Variants in VEGFD observed in about 807,000 individuals in gnomAD.
VEGFD encodes the protein c-fos induced growth factor (vascular endothelial growth factor D).
In VEGFD, 26 loss-of-function variants were observed where a neutral mutation model predicts 28.0. The observed-to-expected ratio is 0.93, with a 90% confidence interval of 0.68 to 1.29. The LOEUF (loss-of-function observed/expected upper bound fraction) is 1.29, where lower values mean the gene tolerates loss of function less well. Ranked by LOEUF, VEGFD falls within the 50% of genes most tolerant of loss-of-function variation. The probability of loss-of-function intolerance (pLI) is 0.00; values close to 1 mark genes in which losing one functional copy is unlikely to be tolerated. For missense variants in VEGFD, 294 were observed against 273.4 expected (o/e 1.08, Z -0.53); for synonymous variants, 93 against 95.5 (o/e 0.97, Z 0.15).
chrX:15,379,878 TAAA>T (rs1923526613), intron 1 of VEGFD, among the ~76,000 whole-genome samples: 1 of 112,120 alleles, frequency 8.9e-6, no homozygotes, highest in African/African-American at 3.2e-5. Flanking sequence ...TCCACAGGTC[TAAA>T]ACAGGATTTT....
chrX:15,345,881 A>C lies in VEGFD; in HGVS notation c.*252T>G, dbSNP rs1481735628. 1.2e-5 allele frequency: 4 copies of C among 323,753 alleles called. No homozygotes were observed. Among genetic ancestry groups the C allele is most frequent in the Non-Finnish European group, 2.1e-5 (4 of 187,981 alleles). The allele number at this position is 323,753 out of a possible 1,213,427, so 26.7% of individuals were successfully genotyped here. A position where few individuals can be genotyped will look rare whatever the true frequency, so the allele number is the denominator to read the frequency against. On this transcript the variant is annotated 3_prime_UTR_variant, in exon 7 of 7. Coordinates refer to ENST00000297904, the MANE Select transcript of VEGFD (RefSeq NM_004469.5). ...TCTCATTCACCAAAAAACAAAAACA[A>C]AACTAAACAAAAGGATTACATGGGT...
At chrX:15,356,722 C>A (rs115302511) in intron 3 of VEGFD, among the ~76,000 whole-genome samples, 1,174 of 111,578 alleles carry the variant, frequency 0.011, 13 homozygotes, top group African/African-American at 0.036. Flanking sequence ...TTTTTCTACT[C>A]AGAATTGATG....
At chrX:15,367,456 A>G (rs1469111832) in intron 1 of VEGFD, among the ~76,000 whole-genome samples, 1 of 111,949 alleles carries the variant, frequency 8.9e-6, no homozygotes, top group Non-Finnish European at 1.9e-5. Context: ...ATTAAGTCTT[A>G]TTTGTCAATA....
chrX:15,350,336 ATTC>A (rs757504085), intron 5 of VEGFD, among the ~76,000 whole-genome samples: 2 of 111,463 alleles, frequency 1.8e-5, no homozygotes, highest in South Asian at 7.5e-4. Flanking sequence ...CTTCTTCCCT[ATTC>A]TTCTTACCAC....
At chrX:15,361,454 C>T (rs999487255) in intron 2 of VEGFD, among the ~76,000 whole-genome samples, 1 of 112,124 alleles carries the variant, frequency 8.9e-6, no homozygotes, top group Non-Finnish European at 1.9e-5. Context: ...CACATGAACA[C>T]TAAGAATCCT....
chrX:15,366,973 G>A (rs1223991870), intron 1 of VEGFD, among the ~76,000 whole-genome samples: 1 of 112,169 alleles, frequency 8.9e-6, no homozygotes, highest in Non-Finnish European at 1.9e-5. Context: ...CAAGGTTATC[G>A]CACTTGGGAA....
At position 15,383,872 on chromosome X, in the gene VEGFD, T is replaced by C. The variant is rs1923650424; in HGVS notation, c.75A>G (p.Glu25=). The C allele has an allele frequency of 6.6e-6, 8 of 1,205,976 alleles. No individual in the cohort carries two copies. The highest frequency in any genetic ancestry group is 9.0e-6 in the Non-Finnish European group (8 of 891,334). ...GCTCACCTACCTTCACTGGTCCATG[T>C]TCATTACTGGAGCCCTGCACCAGCT... The part of the protein sequence containing the change: ...YVQLVQGSSN[E]HGPVKRSSQS... Residue 25 remains glutamate (E), a synonymous_variant, in exon 1 of 7, where the codon GAA becomes GAG. Transcript: ENST00000297904.
At chrX:15,369,229 C>T (rs1923249002) in intron 1 of VEGFD, among the ~76,000 whole-genome samples, 1 of 111,311 alleles carries the variant, frequency 9.0e-6, no homozygotes, top group Non-Finnish European at 1.9e-5. Context: ...GCCTTCTGTA[C>T]TCCTACCAAT....
intron 1 of VEGFD, among the ~76,000 whole-genome samples, chrX:15,370,633 A>G (rs967794024): frequency 2.7e-5 from 3 of 111,992 alleles, no homozygotes; most frequent in Non-Finnish European, 5.6e-5. Flanking sequence ...TCTGACAAAT[A>G]GCAATTGGGC....
At chrX:15,383,067 A>G (rs770825946) in intron 1 of VEGFD, among the ~76,000 whole-genome samples, 1 of 111,977 alleles carries the variant, frequency 8.9e-6, no homozygotes, top group Non-Finnish European at 1.9e-5. Flanking sequence ...TCAAACTCAC[A>G]TTTAATTGTC....
In VEGFD at chrX:15,370,770, G is replaced by C. The variant is rs1272635855; in HGVS notation, c.91-7451C>G. Among the ~76,000 whole-genome samples, 4 of 111,105 alleles carry C rather than the reference G, an allele frequency of 3.6e-5. No homozygotes were observed. In the Admixed American group the frequency reaches 3.8e-4, roughly 11 times the overall value. On this transcript the variant is annotated intron_variant, in intron 1 of 6. Transcript: ENST00000297904. ...TGGGTTTGGGGCAAGACAGGATGCTGCATTTCTTTTTCTTTTTTCTTTCTT... is the reference window on the plus strand; with the variant it reads ...TGGGTTTGGGGCAAGACAGGATGCTCCATTTCTTTTTCTTTTTTCTTTCTT...
At chrX:15,348,456 A>G (rs1922608781) in intron 5 of VEGFD, among the ~76,000 whole-genome samples, 2 of 112,364 alleles carry the variant, frequency 1.8e-5, no homozygotes, top group South Asian at 7.4e-4. Context: ...CCTTCCCACA[A>G]TAAAAACCAA....
In VEGFD at chrX:15,346,159, C is replaced by T; in HGVS notation, c.1039G>A (p.Gly347Arg). The T allele has an allele frequency of 8.3e-7, 1 of 1,211,007 alleles. No homozygotes were observed. Among genetic ancestry groups the T allele is most frequent in the South Asian group, 1.8e-5 (1 of 56,770 alleles). The change falls in exon 7 of 7, where the codon GGG becomes AGG. Residue 347 changes from glycine (G) to arginine (R), a missense_variant. By Grantham distance (125) the Gly-to-Arg change is moderately radical. Transcript: ENST00000297904. The part of the protein sequence containing the change: ...RFPKEKRAAQ[G>R]PHSRKNP Reference sequence around the variant, plus strand: ...CAAGGATTCTTTCGGCTGTGGGGCCCCTGGGCAGCCCTTTTCTCCTTTGGA... The same window carrying T: ...CAAGGATTCTTTCGGCTGTGGGGCCTCTGGGCAGCCCTTTTCTCCTTTGGA...
chrX:15,356,237 G>A (rs1470183329), intron 3 of VEGFD, among the ~76,000 whole-genome samples: 1 of 111,633 alleles, frequency 9.0e-6, no homozygotes, highest in Non-Finnish European at 1.9e-5. Context: ...GTTCTATGAT[G>A]TGTGGATGAG....
intron 2 of VEGFD, among the ~76,000 whole-genome samples, chrX:15,362,199 C>A (rs991184729): frequency 7.2e-5 from 8 of 111,543 alleles, no homozygotes; most frequent in African/African-American, 2.6e-4. Context: ...TCATACGTTA[C>A]TAGGGAACGA....
intron 2 of VEGFD, among the ~76,000 whole-genome samples, chrX:15,362,761 C>T (rs955755014): frequency 9.0e-6 from 1 of 111,116 alleles, no homozygotes; most frequent in African/African-American, 3.3e-5. Context: ...TAGAATACTC[C>T]TTGTGGATGA....
chrX:15,359,325 A>ACT (rs1196818759), intron 2 of VEGFD, among the ~76,000 whole-genome samples: 8 of 80,680 alleles, frequency 9.9e-5, no homozygotes, highest in African/African-American at 2.4e-4. Context: ...TCTCACACAC[A>ACT]CTCTCTCTCT....
intron 1 of VEGFD, among the ~76,000 whole-genome samples, chrX:15,378,422 T>C (rs1008452508): frequency 1.8e-5 from 2 of 112,295 alleles, no homozygotes; most frequent in Non-Finnish European, 3.8e-5. Context: ...GTAGTTCATA[T>C]CCTGATCCTG....
In VEGFD at chrX:15,379,979, C is replaced by T. The variant is rs1003001204; in HGVS notation, c.90+3878G>A. ...TATTGTATCCTGGGTACCAATAATA[C>T]GCTATAGTGATATAAAAGTTTCAGT... On this transcript the variant is annotated intron_variant, in intron 1 of 6. Transcript: ENST00000297904. 1.4e-4 allele frequency among the ~76,000 whole-genome samples: 16 copies of T among 112,220 alleles called. No homozygotes were observed. In the East Asian group the frequency reaches 2.0e-3, roughly 14 times the overall value.
Sources: allele counts gnomAD v4.1 joint callset (sites outside exome capture counted in the v4.1 genomes callset), GRCh38; gene constraint gnomAD v4.1.1; transcripts MANE v1.5; gene names NCBI Gene and HGNC (gene_info 2026-07-23, HGNC 2026-07-21).